Variants in SGCD observed in about 807,000 individuals in gnomAD.
The protein encoded by SGCD is delta-sarcoglycan.
SGCD carries 18 observed loss-of-function variants against 36.6 expected under a neutral mutation model. The observed-to-expected ratio is 0.49, with a 90% CI of 0.34 to 0.73. The LOEUF is 0.73. Ranked by LOEUF, SGCD falls within the 30% of genes least tolerant of loss-of-function variation. SGCD has a pLI of 0.01. For missense variants in SGCD, 387 were observed against 346.7 expected (o/e 1.12, Z -0.92); for synonymous variants, 133 against 130.6 (o/e 1.02, Z -0.12).
At chr5:156,471,487 A>T (rs1026859915) in intron 3 of SGCD, among the ~76,000 whole-genome samples, 5 of 152,172 alleles carry the variant, frequency 3.3e-5, no homozygotes, top group Non-Finnish European at 7.4e-5. Context: ...AAATTGACTC[A>T]TACATATACA....
chr5:156,013,033 T>C (rs1238669047), intron 1 of SGCD, among the ~76,000 whole-genome samples: 15 of 150,278 alleles, frequency 1.0e-4, no homozygotes, highest in Non-Finnish European at 1.3e-4. Flanking sequence ...TGTTTTTTTT[T>C]TTTTTCTTTT....
At chr5:156,670,185 AG>A (rs1355909563) in intron 7 of SGCD, among the ~76,000 whole-genome samples, 1 of 152,228 alleles carries the variant, frequency 6.6e-6, no homozygotes, top group Non-Finnish European at 1.5e-5. Flanking sequence ...TCATAATGAG[AG>A]GGTATAAAAT....
intron 2 of SGCD, among the ~76,000 whole-genome samples, chr5:156,336,988 G>A (rs1245096521): frequency 2.0e-5 from 3 of 152,184 alleles, no homozygotes; most frequent in Admixed American, 2.0e-4. Context: ...AATTTTGTAA[G>A]AAGCAAATGT....
chr5:156,329,567 C>G lies in SGCD; in HGVS notation c.-10C>G, dbSNP rs1160176605. 6.2e-7 allele frequency: 1 copy of G among 1,612,912 alleles called. No individual in the cohort carries two copies. The highest frequency in any genetic ancestry group is 1.1e-5 in the South Asian group (1 of 90,986). On this transcript the variant is annotated 5_prime_UTR_variant, in exon 2 of 9. Coordinates refer to ENST00000337851, the MANE Select transcript of SGCD (RefSeq NM_000337.6). Reference sequence around the variant, plus strand: ...CTGCCGGGAGTGTTGAGTGAAGGGACCAGGTGGAGATGGTGAGTAATTCCC... The same window carrying G: ...CTGCCGGGAGTGTTGAGTGAAGGGAGCAGGTGGAGATGGTGAGTAATTCCC...
At position 156,508,698 on chromosome 5, in the gene SGCD, G is replaced by A. The variant is rs45559835; in HGVS notation, c.290G>A (p.Arg97Gln). Residue 97 changes from arginine to glutamine, a missense_variant, in exon 4 of 9, where the codon CGA becomes CAA. By Grantham distance (43) the Arg-to-Gln change is conservative (BLOSUM62 1). Coordinates refer to ENST00000337851, the MANE Select transcript of SGCD (RefSeq NM_000337.6). ...CTCTACGCCAAAGAAATCCAGTCCC[G>A]ACCAGTAAGTTTCTGCTGAGAGAAG... ...QPLYAKEIQSRPGNALYFKSA... is the reference protein window; with the variant it reads ...QPLYAKEIQSQPGNALYFKSA... The A allele has an allele frequency of 0.054, 85,214 of 1,568,098 alleles. 2,622 individuals are homozygous for A. Among genetic ancestry groups the A allele is most frequent in the Non-Finnish European group, 0.063 (72,239 of 1,146,052 alleles).
At chr5:155,831,119 A>T in the SGCD span, among the ~76,000 whole-genome samples, 1 of 152,322 alleles carries the variant, frequency 6.6e-6, no homozygotes, top group Non-Finnish European at 1.5e-5. Flanking sequence ...AATCAGCTAG[A>T]AGAGGTGGAG....
At chr5:156,343,401 T>C (rs971414839) in intron 2 of SGCD, among the ~76,000 whole-genome samples, 1 of 152,254 alleles carries the variant, frequency 6.6e-6, no homozygotes, top group African/African-American at 2.4e-5. Context: ...AGAGATGCTG[T>C]GCTCAGGAGA....
In SGCD at chr5:156,761,871, A is replaced by T. The variant is rs1757505764; in HGVS notation, c.*2481A>T. On this transcript the variant is annotated 3_prime_UTR_variant, in exon 9 of 9. Transcript: ENST00000337851. Reference sequence around the variant, plus strand: ...AAAAATAAGAGCAATCAACCATATAAATCAAGTACCTATTGGGAACAGACA... The same window carrying T: ...AAAAATAAGAGCAATCAACCATATATATCAAGTACCTATTGGGAACAGACA... The T allele has an allele frequency of 6.6e-6, 1 of 152,210 alleles. No individual in the cohort carries two copies. Among genetic ancestry groups the T allele is most frequent in the Non-Finnish European group, 1.5e-5 (1 of 68,036 alleles). 9.4% of individuals were successfully genotyped at this position (152,210 alleles called of 1,614,324 possible).
intron 3 of SGCD, among the ~76,000 whole-genome samples, chr5:156,381,127 G>A (rs769662261): frequency 5.9e-5 from 9 of 152,190 alleles, no homozygotes; most frequent in Non-Finnish European, 1.2e-4. Flanking sequence ...GGAAGCCAGG[G>A]TGGAGGCCAA....
At chr5:155,882,908 A>G (rs1755920750) in intron 1 of SGCD, among the ~76,000 whole-genome samples, 1 of 152,190 alleles carries the variant, frequency 6.6e-6, no homozygotes, top group Non-Finnish European at 1.5e-5. Flanking sequence ...AAATCCCTGT[A>G]TGGCTTCTTC....
chr5:156,272,896 G>A (rs1766216882), intron 3 of SGCD, among the ~76,000 whole-genome samples: 1 of 152,150 alleles, frequency 6.6e-6, no homozygotes, highest in South Asian at 2.1e-4. Flanking sequence ...CTGCTTTTGA[G>A]CCCTACAATG....
chr5:156,112,714 GT>G (rs1761816435), intron 1 of SGCD, among the ~76,000 whole-genome samples: 1 of 152,118 alleles, frequency 6.6e-6, no homozygotes, highest in Admixed American at 6.6e-5. Context: ...TGAATTGTTT[GT>G]TTGCACGGCC....
chr5:156,566,263 A>G (rs1759475149), intron 4 of SGCD, among the ~76,000 whole-genome samples: 1 of 152,218 alleles, frequency 6.6e-6, no homozygotes, highest in Non-Finnish European at 1.5e-5. Context: ...ATTTTTTAAA[A>G]AAACATGTCT....
At chr5:155,759,834 A>G in the SGCD span, among the ~76,000 whole-genome samples, 2 of 152,220 alleles carry the variant, frequency 1.3e-5, no homozygotes, top group South Asian at 4.2e-4. Context: ...ACTATCACAT[A>G]CTTCTCAGCT....
the SGCD span, among the ~76,000 whole-genome samples, chr5:155,762,954 T>C: frequency 6.6e-6 from 1 of 152,172 alleles, no homozygotes; most frequent in Non-Finnish European, 1.5e-5. Flanking sequence ...ATTACTTATA[T>C]GGGGTGTCTT....
intron 4 of SGCD, among the ~76,000 whole-genome samples, chr5:156,546,106 T>G (rs1758562005): frequency 6.6e-6 from 1 of 152,170 alleles, no homozygotes; most frequent in African/African-American, 2.4e-5. Context: ...TATGACTGTA[T>G]TCTGAGATGC....
intron 3 of SGCD, among the ~76,000 whole-genome samples, chr5:156,491,149 G>C (rs1186311505): frequency 6.6e-6 from 1 of 151,950 alleles, no homozygotes; most frequent in South Asian, 2.1e-4. Context: ...AGGTAAAAGA[G>C]CTCTGCAAGA....
At chr5:155,955,442 A>T (rs1757631590) in intron 1 of SGCD, among the ~76,000 whole-genome samples, 1 of 152,166 alleles carries the variant, frequency 6.6e-6, no homozygotes, top group Non-Finnish European at 1.5e-5. Context: ...CACAGCATGA[A>T]ATAGTTCAGA....
At chr5:156,424,563 A>G (rs2127782599) in intron 3 of SGCD, among the ~76,000 whole-genome samples, 1 of 152,238 alleles carries the variant, frequency 6.6e-6, no homozygotes, top group South Asian at 2.1e-4. Flanking sequence ...ATTCAGAGTA[A>G]TAGCATCAAT....
Sources: allele counts gnomAD v4.1 joint callset (sites outside exome capture counted in the v4.1 genomes callset), GRCh38; gene constraint gnomAD v4.1.1; transcripts MANE v1.5; gene names NCBI Gene and HGNC (gene_info 2026-07-23, HGNC 2026-07-21).